Variants in GALNTL6 observed in about 807,000 individuals in gnomAD.
The protein encoded by GALNTL6 is polypeptide N-acetylgalactosaminyltransferase-like 6.
In GALNTL6, 46 loss-of-function variants were observed where a neutral mutation model predicts 73.7. The observed-to-expected ratio is 0.62, with a 90% CI of 0.49 to 0.80. The LOEUF (loss-of-function observed/expected upper bound fraction) is 0.80, where lower values mean the gene tolerates loss of function less well. Ranked by LOEUF, GALNTL6 falls within the 30% of genes least tolerant of loss-of-function variation. The pLI, the probability that GALNTL6 is intolerant of heterozygous loss-of-function variation, is 0.00. For synonymous variants in GALNTL6, 259 were observed against 263.7 expected (o/e 0.98, Z 0.17); for missense variants, 604 against 755.0 (o/e 0.80, Z 2.34).
intron 5 of GALNTL6, among the ~76,000 whole-genome samples, chr4:172,808,022 C>T (rs1165683147): frequency 6.6e-6 from 1 of 152,112 alleles, no homozygotes; most frequent in African/African-American, 2.4e-5. Context: ...TGGGTTTCAC[C>T]ATGTCGGTCA....
chr4:173,007,762 C>T (rs140518338), intron 10 of GALNTL6, among the ~76,000 whole-genome samples: 3,432 of 152,004 alleles, frequency 0.023, 48 homozygotes, highest in African/African-American at 0.028. Context: ...GCCGAGATTG[C>T]GCCACTGCAC....
intron 2 of GALNTL6, among the ~76,000 whole-genome samples, chr4:171,913,942 G>GA (rs1048978621): frequency 6.6e-6 from 1 of 151,836 alleles, no homozygotes; most frequent in Admixed American, 6.6e-5. Context: ...TTTTTTAACT[G>GA]AAAAAATCCA....
chr4:171,892,377 G>C (rs1170218320), intron 2 of GALNTL6, among the ~76,000 whole-genome samples: 1 of 152,108 alleles, frequency 6.6e-6, no homozygotes, highest in Non-Finnish European at 1.5e-5. Flanking sequence ...GGACACATGT[G>C]TATGCTACTT....
chr4:172,519,919 A>C (rs1014275596), intron 5 of GALNTL6, among the ~76,000 whole-genome samples: 4 of 151,902 alleles, frequency 2.6e-5, no homozygotes, highest in Admixed American at 6.6e-5. Context: ...CTATCATAAA[A>C]AAAAATAGGG....
chr4:172,180,868 G>T (rs1039295562), intron 2 of GALNTL6, among the ~76,000 whole-genome samples: 1 of 152,154 alleles, frequency 6.6e-6, no homozygotes, highest in Non-Finnish European at 1.5e-5. Flanking sequence ...AGCATAGTTT[G>T]AAGTCAGATA....
intron 4 of GALNTL6, among the ~76,000 whole-genome samples, chr4:172,337,389 C>T (rs1282669442): frequency 6.6e-6 from 1 of 152,108 alleles, no homozygotes; most frequent in Admixed American, 6.5e-5. Flanking sequence ...GGGCTACGTA[C>T]TTAAGTGTGT....
At chr4:172,186,242 T>C (rs939228335) in intron 2 of GALNTL6, among the ~76,000 whole-genome samples, 1 of 152,110 alleles carries the variant, frequency 6.6e-6, no homozygotes, top group African/African-American at 2.4e-5. Context: ...CATGATGATA[T>C]ACTACTTGAC....
intron 5 of GALNTL6, among the ~76,000 whole-genome samples, chr4:172,632,360 A>G (rs941562897): frequency 1.3e-5 from 2 of 152,184 alleles, no homozygotes; most frequent in East Asian, 3.9e-4. Flanking sequence ...GGCTTTGACC[A>G]AAATGCTGAT....
chr4:172,298,883 A>G (rs1246617026), intron 3 of GALNTL6, among the ~76,000 whole-genome samples: 1 of 152,216 alleles, frequency 6.6e-6, no homozygotes, highest in Non-Finnish European at 1.5e-5. Context: ...TGGCCTCATG[A>G]AATGAGTTAG....
chr4:172,334,295 C>T (rs1025407289), intron 4 of GALNTL6, among the ~76,000 whole-genome samples: 22 of 152,036 alleles, frequency 1.4e-4, no homozygotes, highest in African/African-American at 4.6e-4. Context: ...AAAATGGTGT[C>T]GGCATTTTGA....
At chr4:172,477,463 TC>T (rs1165915474) in intron 5 of GALNTL6, among the ~76,000 whole-genome samples, 1 of 152,182 alleles carries the variant, frequency 6.6e-6, no homozygotes, top group African/African-American at 2.4e-5. Context: ...ATATTTCTGT[TC>T]AGTACATACA....
chr4:172,620,911 G>T (rs189936842), intron 5 of GALNTL6, among the ~76,000 whole-genome samples: 27 of 152,122 alleles, frequency 1.8e-4, no homozygotes, highest in African/African-American at 6.5e-4. Context: ...TCCATTTAGA[G>T]TTTTCATAAC....
intron 3 of GALNTL6, among the ~76,000 whole-genome samples, chr4:172,308,544 ATGCTGGATT>A: frequency 6.6e-6 from 1 of 152,164 alleles, no homozygotes; most frequent in Non-Finnish European, 1.5e-5. Context: ...TCATAAAGGG[ATGCTGGATT>A]TTGTCAGATG....
At chr4:172,096,961 A>G (rs1177301298) in intron 2 of GALNTL6, among the ~76,000 whole-genome samples, 1 of 152,212 alleles carries the variant, frequency 6.6e-6, no homozygotes, top group African/African-American at 2.4e-5. Flanking sequence ...GCCAACATCA[A>G]CACTAAAAAC....
At chr4:172,820,349 G>A (rs1047970564) in intron 7 of GALNTL6, among the ~76,000 whole-genome samples, 3 of 152,162 alleles carry the variant, frequency 2.0e-5, no homozygotes, top group Non-Finnish European at 4.4e-5. Flanking sequence ...TCCCACTTGG[G>A]TTAAATTTCA....
intron 5 of GALNTL6, among the ~76,000 whole-genome samples, chr4:172,641,900 A>G (rs1455595022): frequency 6.6e-6 from 1 of 152,058 alleles, no homozygotes; most frequent in Non-Finnish European, 1.5e-5. Flanking sequence ...AAATAATGTG[A>G]TTGAAAAAAT....
At chr4:171,981,450 T>G (rs1454108961) in intron 2 of GALNTL6, among the ~76,000 whole-genome samples, 2 of 152,224 alleles carry the variant, frequency 1.3e-5, no homozygotes, top group African/African-American at 4.8e-5. Flanking sequence ...TCAACTGTTT[T>G]GTGGTTAAGA....
chr4:172,282,793 A>T (rs1394177501), intron 3 of GALNTL6, among the ~76,000 whole-genome samples: 1 of 152,188 alleles, frequency 6.6e-6, no homozygotes, highest in Admixed American at 6.5e-5. Flanking sequence ...TTGGAGGCGT[A>T]ATCAAATGAA....
intron 5 of GALNTL6, among the ~76,000 whole-genome samples, chr4:172,660,118 A>G (rs1336728047): frequency 6.6e-6 from 1 of 152,212 alleles, no homozygotes; most frequent in Non-Finnish European, 1.5e-5. Context: ...GAAAAGAGGA[A>G]AACAACCATG....
Sources: gnomAD v4.1 joint callset for allele counts (sites outside exome capture counted in the v4.1 genomes callset) on GRCh38, gnomAD v4.1.1 for gene constraint, MANE v1.5 for transcripts, NCBI Gene and HGNC (gene_info 2026-07-23, HGNC 2026-07-21) for gene names.